Variants in SRD5A2 observed in about 807,000 individuals in gnomAD.
SRD5A2 encodes steroid 5 alpha-reductase 2, also known as 3-oxo-5-alpha-steroid 4-dehydrogenase 2.
In SRD5A2, 30 loss-of-function variants were observed where a neutral mutation model predicts 27.4. That is an observed-to-expected ratio of 1.10 (90% CI 0.82 to 1.49). The LOEUF (loss-of-function observed/expected upper bound fraction) is 1.49, where lower values mean the gene tolerates loss of function less well. Ranked by LOEUF, SRD5A2 falls within the 40% of genes most tolerant of loss-of-function variation. SRD5A2 has a pLI of 0.00. For missense variants in SRD5A2, 348 were observed against 323.4 expected, an observed-to-expected ratio of 1.08 and a Z score of -0.58; for synonymous variants, 141 against 133.6, an observed-to-expected ratio of 1.06 and a Z score of -0.38.
At chr2:31,662,196 C>A in the SRD5A2 span, among the ~76,000 whole-genome samples, 1 of 152,078 alleles carries the variant, frequency 6.6e-6, no homozygotes. Flanking sequence ...TCTTTAACAT[C>A]TAATAGTTCT....
At chr2:31,567,112 T>C (rs1478451625) in intron 1 of SRD5A2, among the ~76,000 whole-genome samples, 4 of 152,152 alleles carry the variant, frequency 2.6e-5, no homozygotes, top group East Asian at 1.9e-4. Context: ...CAATCCCCAA[T>C]TGTAGAGCAT....
At chr2:31,545,078 G>GA (rs80207853) in intron 1 of SRD5A2, among the ~76,000 whole-genome samples, 28,010 of 148,470 alleles carry the variant, frequency 0.19, 3,384 homozygotes, top group African/African-American at 0.35. Flanking sequence ...ATCTCATAAT[G>GA]AAAAAAAAAG....
the SRD5A2 span, among the ~76,000 whole-genome samples, chr2:31,644,752 C>T: frequency 6.6e-6 from 1 of 152,154 alleles, no homozygotes; most frequent in Admixed American, 6.5e-5. Flanking sequence ...CTGATTGCAT[C>T]ATCATAATCC....
upstream of SRD5A2, chr2:31,581,066 C>T (rs935855970): frequency 1.0e-5 from 7 of 694,780 alleles, no homozygotes; most frequent in Non-Finnish European, 1.4e-5. Context: ...GCGCGGTTCG[C>T]AGCAATACCC....
the SRD5A2 span, among the ~76,000 whole-genome samples, chr2:31,659,408 A>C: frequency 6.6e-6 from 1 of 152,080 alleles, no homozygotes; most frequent in Non-Finnish European, 1.5e-5. Flanking sequence ...ATTTGCATGC[A>C]ATATGATTTC....
chr2:31,592,813 G>A, the SRD5A2 span, among the ~76,000 whole-genome samples: 1 of 152,142 alleles, frequency 6.6e-6, no homozygotes, highest in African/African-American at 2.4e-5. Flanking sequence ...TAGCTGTCCA[G>A]CAATAGACCC....
chr2:31,618,937 C>A, the SRD5A2 span, among the ~76,000 whole-genome samples: 3 of 152,052 alleles, frequency 2.0e-5, no homozygotes, highest in Admixed American at 6.6e-5. Context: ...CACACTGTAC[C>A]TGATAAATCT....
the SRD5A2 span, among the ~76,000 whole-genome samples, chr2:31,658,860 A>T: frequency 6.6e-6 from 1 of 152,164 alleles, no homozygotes; most frequent in African/African-American, 2.4e-5. Context: ...TCCTTAACTC[A>T]TCCTATGAGG....
intron 4 of SRD5A2, among the ~76,000 whole-genome samples, 155 bp downstream of exon 4, chr2:31,529,152 C>T (rs1665846503): frequency 1.3e-5 from 2 of 152,146 alleles, no homozygotes; most frequent in Admixed American, 6.5e-5. Flanking sequence ...CAATACAAGC[C>T]CAGCAAGTCA....
the SRD5A2 span, among the ~76,000 whole-genome samples, chr2:31,613,166 C>T: frequency 1.2e-4 from 18 of 152,132 alleles, no homozygotes; most frequent in Admixed American, 8.5e-4. Flanking sequence ...AATATACAAA[C>T]GGGATTGTAT....
chr2:31,593,475 A>G, the SRD5A2 span, among the ~76,000 whole-genome samples: 2 of 152,172 alleles, frequency 1.3e-5, no homozygotes, highest in Admixed American at 1.3e-4. Context: ...AATTAACCCA[A>G]TCTGACAAAA....
chr2:31,614,379 C>T, the SRD5A2 span, among the ~76,000 whole-genome samples: 1 of 152,214 alleles, frequency 6.6e-6, no homozygotes, highest in Non-Finnish European at 1.5e-5. Context: ...CCATATCTCA[C>T]ATCTAGGTCA....
At chr2:31,634,728 T>G in the SRD5A2 span, among the ~76,000 whole-genome samples, 1 of 152,114 alleles carries the variant, frequency 6.6e-6, no homozygotes, top group African/African-American at 2.4e-5. Context: ...CAGTCTACTC[T>G]CTATCTTCAT....
At chr2:31,589,589 G>A in the SRD5A2 span, among the ~76,000 whole-genome samples, 3 of 152,318 alleles carry the variant, frequency 2.0e-5, no homozygotes, top group South Asian at 4.1e-4. Context: ...GAGGCCTGGG[G>A]GAGCCCAGGG....
chr2:31,560,104 T>G (rs974672894), intron 1 of SRD5A2, among the ~76,000 whole-genome samples: 1 of 133,052 alleles, frequency 7.5e-6, no homozygotes, highest in Non-Finnish European at 1.6e-5. Flanking sequence ...GGGAATCAAG[T>G]ATTTTAGGTA....
At chr2:31,560,068 C>CT (rs1349965844) in intron 1 of SRD5A2, among the ~76,000 whole-genome samples, 1 of 76,262 alleles carries the variant, frequency 1.3e-5, no homozygotes, top group Non-Finnish European at 2.8e-5. Flanking sequence ...CCCCCCCCCC[C>CT]TTTTTTTAAA....
rs1553326430 is a variant in SRD5A2, at chr2:31,554,973, G to GTGTGTA, written c.282-21208_282-21207insTACACA. 4.8e-4 allele frequency among the ~76,000 whole-genome samples: 70 copies of GTGTGTA among 147,288 alleles called. No homozygotes were observed. The South Asian group carries it at 8.1e-3, about 17-fold the overall frequency. On this transcript the variant is annotated intron_variant, in intron 1 of 4. Coordinates refer to ENST00000622030, the MANE Select transcript of SRD5A2 (RefSeq NM_000348.4). ...TGTGTGTGTGTGTGTGTGTGTATGT[G>GTGTGTA]TGTGTGTGTGTTACCGCCAGGCCAG... is the stretch of plus-strand genomic sequence containing the variant.
At position 31,525,737 on chromosome 2, in the gene SRD5A2, T is replaced by A. The variant is rs1665762567; in HGVS notation, c.*459A>T. On this transcript the variant is annotated 3_prime_UTR_variant, in exon 5 of 5. Coordinates refer to ENST00000622030, the MANE Select transcript of SRD5A2 (RefSeq NM_000348.4). ...TGGGAGTGGGTTTGCTCTGGGTCTT[T>A]GTGGCTTCAGAGTTTAAATTTCTGC... 4.4e-6 allele frequency: 1 copy of A among 228,650 alleles called. No homozygotes were observed. Among genetic ancestry groups the A allele is most frequent in the African/African-American group, 2.2e-5 (1 of 45,032 alleles). The allele number at this position is 228,650 out of a possible 1,614,324, so 14.2% of individuals were successfully genotyped here. A position where few individuals can be genotyped will look rare whatever the true frequency, so the allele number is the denominator to read the frequency against.
intron 1 of SRD5A2, among the ~76,000 whole-genome samples, chr2:31,538,505 A>C (rs1412696768): frequency 4.6e-5 from 7 of 152,190 alleles, no homozygotes; most frequent in Non-Finnish European, 8.8e-5. Flanking sequence ...ACTCCACCGC[A>C]ATCTATTCTC....
Sources: gnomAD v4.1 joint callset for allele counts (sites outside exome capture counted in the v4.1 genomes callset) on GRCh38, gnomAD v4.1.1 for gene constraint, MANE v1.5 for transcripts, NCBI Gene and HGNC (gene_info 2026-07-23, HGNC 2026-07-21) for gene names.